NPSR1: variants seen among roughly 807,000 people sequenced by gnomAD.
NPSR1 encodes the protein neuropeptide S receptor 1.
NPSR1 carries 48 observed loss-of-function variants against 46.9 expected under a neutral mutation model. The ratio of observed to expected loss-of-function variants is 1.02; its 90% CI spans 0.81 to 1.30. The LOEUF is 1.30. NPSR1 is among the 50% of genes most tolerant of loss of function. The pLI is 0.00. For synonymous variants in NPSR1, 176 were observed against 168.1 expected (o/e 1.05, Z -0.36); for missense variants, 450 against 449.5 (o/e 1.00, Z -0.01).
At chr7:34,769,519 C>T (rs2128732498) in intron 2 of NPSR1, among the ~76,000 whole-genome samples, 1 of 152,234 alleles carries the variant, frequency 6.6e-6, no homozygotes, top group South Asian at 2.1e-4. Flanking sequence ...CCATTTTTGC[C>T]ACTTCCTAGC....
intron 2 of NPSR1, among the ~76,000 whole-genome samples, chr7:34,718,684 C>G (rs1413261161): frequency 6.6e-6 from 1 of 152,052 alleles, no homozygotes; most frequent in Non-Finnish European, 1.5e-5. Context: ...AAGGACAAAG[C>G]AGTTGCAGGT....
chr7:34,808,770 T>C (rs1182328670), intron 3 of NPSR1, among the ~76,000 whole-genome samples: 2 of 152,190 alleles, frequency 1.3e-5, no homozygotes, highest in Non-Finnish European at 2.9e-5. Context: ...TCACAATTTT[T>C]TTTCAAAACT....
chr7:34,851,585 G>A (rs960579143), downstream of NPSR1, among the ~76,000 whole-genome samples: 4 of 152,246 alleles, frequency 2.6e-5, no homozygotes, highest in East Asian at 1.9e-4. Flanking sequence ...GAAGACCCAC[G>A]GAACTGTTGC....
intron 8 of NPSR1, 90 bp downstream of exon 8, chr7:34,848,753 C>A: frequency 1.8e-6 from 2 of 1,113,530 alleles, no homozygotes; most frequent in South Asian, 1.5e-5. Context: ...CCAAACTCTC[C>A]AGCAGGTTAC....
Position 34,670,342 on chromosome 7 carries a change from G to T in NPSR1, c.147+11783G>T, listed in dbSNP as rs563068512. Among the ~76,000 whole-genome samples, 25 of 152,010 alleles carry T rather than the reference G, an allele frequency of 1.6e-4. No homozygotes were observed. The East Asian group carries it at 4.8e-3, about 29-fold the overall frequency. ...ACATATATGAACTTAATGTTACAAA[G>T]AAACTACCACAGTTAGTAAAAAAGG... is the stretch of plus-strand genomic sequence containing the variant. On this transcript the variant is annotated intron_variant, in intron 1 of 8. Transcript: ENST00000360581.
At chr7:34,671,297 TTTTTA>T (rs1475737400) in intron 1 of NPSR1, among the ~76,000 whole-genome samples, 2 of 152,160 alleles carry the variant, frequency 1.3e-5, no homozygotes, top group Non-Finnish European at 2.9e-5. Flanking sequence ...TTGCAGATGG[TTTTTA>T]TTTTATCTTT....
chr7:34,702,824 T>C (rs1197907413), intron 2 of NPSR1, among the ~76,000 whole-genome samples: 1 of 152,232 alleles, frequency 6.6e-6, no homozygotes, highest in Non-Finnish European at 1.5e-5. Flanking sequence ...TTTTGTGGCT[T>C]TTGAATTGGC....
chr7:34,754,230 A>G (rs181518021), intron 2 of NPSR1, among the ~76,000 whole-genome samples: 1 of 152,254 alleles, frequency 6.6e-6, no homozygotes, highest in East Asian at 1.9e-4. Flanking sequence ...AAATAAAAAT[A>G]AGACAAGAAA....
At chr7:34,745,040 A>G (rs1247460972) in intron 2 of NPSR1, among the ~76,000 whole-genome samples, 1 of 152,234 alleles carries the variant, frequency 6.6e-6, no homozygotes, top group African/African-American at 2.4e-5. Flanking sequence ...ATGCAAACAC[A>G]GCATCATTTT....
chr7:34,671,462 A>G (rs1317780717), intron 1 of NPSR1, among the ~76,000 whole-genome samples: 2 of 152,150 alleles, frequency 1.3e-5, no homozygotes. Flanking sequence ...GAATCTATTT[A>G]CTCTGCAGAA....
intron 8 of NPSR1, among the ~76,000 whole-genome samples, chr7:34,865,662 C>A (rs1004026215): frequency 4.6e-5 from 7 of 151,650 alleles, no homozygotes; most frequent in African/African-American, 1.7e-4. Flanking sequence ...CAAGACACAC[C>A]CCCCTTAGCA....
chr7:34,866,055 G>A (rs1791308156), intron 8 of NPSR1, among the ~76,000 whole-genome samples: 2 of 151,852 alleles, frequency 1.3e-5, no homozygotes, highest in African/African-American at 2.4e-5. Context: ...CTAATGCTGG[G>A]ATGAATCCAC....
At chr7:34,683,304 G>A (rs767336812) in intron 1 of NPSR1, among the ~76,000 whole-genome samples, 60 of 151,940 alleles carry the variant, frequency 3.9e-4, no homozygotes, top group Non-Finnish European at 7.7e-4. Context: ...AAAATTCGCC[G>A]GGCGTGGTGG....
At chr7:34,705,526 C>T (rs753978263) in intron 2 of NPSR1, among the ~76,000 whole-genome samples, 18 of 150,348 alleles carry the variant, frequency 1.2e-4, no homozygotes, top group Non-Finnish European at 1.9e-4. Context: ...TTATACATTT[C>T]AATGGTTTAT....
At chr7:34,662,332 C>T (rs950166160) in intron 1 of NPSR1, among the ~76,000 whole-genome samples, 6 of 152,184 alleles carry the variant, frequency 3.9e-5, no homozygotes, top group Non-Finnish European at 5.9e-5. Context: ...CTCCCTGCCA[C>T]GCTGCCTTAC....
intron 2 of NPSR1, among the ~76,000 whole-genome samples, chr7:34,689,604 CAAAAAAAAAAAAA>C (rs869170591): frequency 0.011 from 397 of 36,708 alleles, 4 homozygotes; most frequent in African/African-American, 0.039. Flanking sequence ...GACTCTGTCT[CAAAAAAAAAAAAA>C]AAAAAAAAAA....
At chr7:34,747,571 T>C (rs1195424681) in intron 2 of NPSR1, among the ~76,000 whole-genome samples, 1 of 152,128 alleles carries the variant, frequency 6.6e-6, no homozygotes, top group Non-Finnish European at 1.5e-5. Flanking sequence ...TTAATAGATG[T>C]CAATGATAAC....
intron 3 of NPSR1, chr7:34,779,531 T>C: frequency 9.2e-7 from 1 of 1,084,096 alleles, no homozygotes; most frequent in South Asian, 2.2e-5. Context: ...TCATTGGTTT[T>C]ATTATTTTCA....
chr7:34,722,123 G>T (rs1174636260), intron 2 of NPSR1, among the ~76,000 whole-genome samples: 2 of 152,044 alleles, frequency 1.3e-5, no homozygotes, highest in Non-Finnish European at 2.9e-5. Flanking sequence ...AATTCCCAAT[G>T]AATTATTTAA....
Sources: allele counts gnomAD v4.1 joint callset (sites outside exome capture counted in the v4.1 genomes callset), GRCh38; gene constraint gnomAD v4.1.1; transcripts MANE v1.5; gene names NCBI Gene and HGNC (gene_info 2026-07-23, HGNC 2026-07-21).